LAPTM4B: variants seen among roughly 807,000 people sequenced by gnomAD.
LAPTM4B encodes the protein lysosomal protein transmembrane 4 beta.
A neutral mutation model predicts 28.5 loss-of-function variants in LAPTM4B; 26 were observed. The observed-to-expected ratio is 0.91, with a 90% confidence interval of 0.67 to 1.27. The LOEUF (loss-of-function observed/expected upper bound fraction) is 1.27. Among genes scored for constraint, LAPTM4B ranks in the 50% most tolerant of loss-of-function variants. The probability of loss-of-function intolerance (pLI) is 0.00; values close to 1 mark genes in which losing one functional copy is unlikely to be tolerated. For missense variants in LAPTM4B, 288 were observed against 285.8 expected (o/e 1.01, Z -0.06); for synonymous variants, 109 against 106.4 (o/e 1.02, Z -0.15).
intron 1 of LAPTM4B, among the ~76,000 whole-genome samples, chr8:97,793,981 T>C (rs1313964164): frequency 1.3e-5 from 2 of 152,034 alleles, no homozygotes; most frequent in African/African-American, 4.8e-5. Context: ...CTAATTGTTT[T>C]TTGTTTTTTG....
chr8:97,783,280 CT>C (rs1161152599), intron 1 of LAPTM4B, among the ~76,000 whole-genome samples: 4 of 151,696 alleles, frequency 2.6e-5, no homozygotes, highest in African/African-American at 9.7e-5. Flanking sequence ...CTTTCTTTTT[CT>C]TTTGTTTTTT....
intron 2 of LAPTM4B, among the ~76,000 whole-genome samples, chr8:97,806,401 G>A (rs1321427768): frequency 2.6e-5 from 4 of 152,190 alleles, no homozygotes; most frequent in Non-Finnish European, 5.9e-5. Flanking sequence ...TTTGGGCAGC[G>A]AAGGAGACGG....
chr8:97,822,038 C>T (rs1311374242), intron 5 of LAPTM4B, among the ~76,000 whole-genome samples: 1 of 152,188 alleles, frequency 6.6e-6, no homozygotes, highest in Non-Finnish European at 1.5e-5. Context: ...GTGAATTTTA[C>T]ACACGGATGT....
At chr8:97,786,715 A>C (rs544047978) in intron 1 of LAPTM4B, among the ~76,000 whole-genome samples, 41 of 151,154 alleles carry the variant, frequency 2.7e-4, no homozygotes, top group African/African-American at 9.5e-4. Context: ...AAAAAAAAAA[A>C]AACCATTAAC....
rs202221065 is a variant in LAPTM4B, at chr8:97,816,184, C to T, written c.408+4C>T. The T allele has an allele frequency of 1.2e-5, 19 of 1,605,460 alleles. No individual in the cohort carries two copies. Among genetic ancestry groups the T allele is most frequent in the Middle Eastern group, 1.7e-4 (1 of 6,042 alleles). ...TCAGGAATACATACGGCAACTGGTA[C>T]GTGGACCTCTTACTGCTCCTTTTCA... On this transcript the variant is annotated splice_donor_region_variant and intron_variant, in intron 4 of 6. Coordinates refer to ENST00000521545, the MANE Select transcript of LAPTM4B (RefSeq NM_018407.6).
At chr8:97,825,189 C>T in intron 6 of LAPTM4B, 36 bp downstream of exon 6, 4 of 1,075,578 alleles carry the variant, frequency 3.7e-6, no homozygotes, top group South Asian at 2.6e-5. Context: ...AGATCTCGCC[C>T]ACACCTTTAC....
At chr8:97,805,164 T>C (rs1816740196) in intron 1 of LAPTM4B, among the ~76,000 whole-genome samples, 189 bp from the exon 2 acceptor site, 2 of 152,154 alleles carry the variant, frequency 1.3e-5, no homozygotes, top group Admixed American at 6.5e-5. Flanking sequence ...CTGAATGGGC[T>C]GGCAGCATTT....
At chr8:97,824,747 G>A (rs1350852051) in intron 5 of LAPTM4B, among the ~76,000 whole-genome samples, 2 of 152,264 alleles carry the variant, frequency 1.3e-5, no homozygotes, top group East Asian at 3.9e-4. Context: ...TTGTGTGCTT[G>A]TTCTTTCCAG....
intron 1 of LAPTM4B, among the ~76,000 whole-genome samples, chr8:97,796,180 A>G (rs1201542763): frequency 6.6e-6 from 1 of 152,218 alleles, no homozygotes; most frequent in Non-Finnish European, 1.5e-5. Context: ...ACCTCAAGTG[A>G]TCTACCTGCC....
chr8:97,832,449 C>T lies in LAPTM4B; in HGVS notation c.603+7296C>T, dbSNP rs142681222. On this transcript the variant is annotated intron_variant, in intron 6 of 6. Transcript: ENST00000521545. The stretch of plus-strand genomic sequence containing the variant: ...GTCAGTCTCTGTCATTTTGTAACAA[C>T]TTGCCATTTTTAAGATGAGGAAACT... 7.6e-3 allele frequency among the ~76,000 whole-genome samples: 1,157 copies of T among 152,246 alleles called. 14 individuals are homozygous for T. Among genetic ancestry groups the T allele is most frequent in the African/African-American group, 0.026 (1,075 of 41,558 alleles).
At chr8:97,785,834 A>G (rs1159259909) in intron 1 of LAPTM4B, among the ~76,000 whole-genome samples, 1 of 152,230 alleles carries the variant, frequency 6.6e-6, no homozygotes, top group African/African-American at 2.4e-5. Context: ...GGGAGTAGAA[A>G]GTGATTGCTG....
intron 1 of LAPTM4B, among the ~76,000 whole-genome samples, chr8:97,776,764 G>T (rs186924336): frequency 3.3e-3 from 496 of 152,026 alleles, no homozygotes; most frequent in African/African-American, 0.011. Flanking sequence ...CCATCTGCCC[G>T]GGGAAGCCAT....
At chr8:97,784,906 GTC>G (rs1008100976) in intron 1 of LAPTM4B, among the ~76,000 whole-genome samples, 6 of 152,154 alleles carry the variant, frequency 3.9e-5, no homozygotes, top group African/African-American at 1.4e-4. Flanking sequence ...AGTGATACAA[GTC>G]TCTCTTTCTA....
chr8:97,813,027 A>T (rs1487634010), intron 2 of LAPTM4B, among the ~76,000 whole-genome samples: 1 of 152,208 alleles, frequency 6.6e-6, no homozygotes, highest in East Asian at 1.9e-4. Context: ...AAATCGTAGG[A>T]TGTTATATTA....
At chr8:97,802,482 A>G (rs2331587) in intron 1 of LAPTM4B, among the ~76,000 whole-genome samples, 67,181 of 151,606 alleles carry the variant, frequency 0.44, 15,325 homozygotes, top group East Asian at 0.57. Flanking sequence ...AATGAGAAAT[A>G]AGGACAGCCA....
chr8:97,848,362 A>T (rs902059740), intron 6 of LAPTM4B, among the ~76,000 whole-genome samples: 1 of 152,168 alleles, frequency 6.6e-6, no homozygotes, highest in African/African-American at 2.4e-5. Flanking sequence ...GCCAAATGTA[A>T]TGTGAAAGTT....
chr8:97,787,759 G>A (rs371847786), intron 1 of LAPTM4B, among the ~76,000 whole-genome samples: 9 of 151,816 alleles, frequency 5.9e-5, no homozygotes, highest in Admixed American at 3.3e-4. Flanking sequence ...AGAATTACCC[G>A]CATGTTTGCA....
At chr8:97,841,040 G>A (rs999668421) in intron 6 of LAPTM4B, among the ~76,000 whole-genome samples, 8 of 150,334 alleles carry the variant, frequency 5.3e-5, no homozygotes, top group South Asian at 2.1e-4. Context: ...CGGCGGCTGG[G>A]CAGAGGCACT....
chr8:97,776,549 C>T lies in LAPTM4B; in HGVS notation c.99+441C>T, dbSNP rs369257779. On this transcript the variant is annotated intron_variant, in intron 1 of 6. Transcript: ENST00000521545. ...AGGTGACGGCGCATATTTTGCAGCT[C>T]TGTGGTTAGGGTTGCGGATTTGTCA... is the stretch of plus-strand genomic sequence containing the variant. 1.4e-4 allele frequency among the ~76,000 whole-genome samples: 22 copies of T among 152,312 alleles called. No individual in the cohort carries two copies. The East Asian group carries it at 3.9e-3, about 27-fold the overall frequency.
Sources: allele counts gnomAD v4.1 joint callset (sites outside exome capture counted in the v4.1 genomes callset), GRCh38; gene constraint gnomAD v4.1.1; transcripts MANE v1.5; gene names NCBI Gene and HGNC (gene_info 2026-07-23, HGNC 2026-07-21).